Variants in HS3ST5 observed in about 807,000 individuals in gnomAD.
The protein encoded by HS3ST5 is heparan sulfate glucosamine 3-O-sulfotransferase 5.
HS3ST5 carries 10 observed loss-of-function variants against 25.4 expected under a neutral mutation model. That is an observed-to-expected ratio of 0.39 (90% confidence interval 0.24 to 0.67). The LOEUF (loss-of-function observed/expected upper bound fraction) is 0.67, where lower values mean the gene tolerates loss of function less well. Among genes scored for constraint, HS3ST5 ranks in the 30% least tolerant of loss-of-function variants. The pLI is 0.44. For missense variants in HS3ST5, 324 were observed against 420.7 expected (o/e 0.77, Z 2.01); for synonymous variants, 170 against 162.4 (o/e 1.05, Z -0.36).
At chr6:114,249,171 C>T (rs1420232245) in intron 1 of HS3ST5, among the ~76,000 whole-genome samples, 2 of 152,138 alleles carry the variant, frequency 1.3e-5, no homozygotes, top group African/African-American at 4.8e-5. Context: ...GACTACATAC[C>T]TAAAAAAGTC....
intron 3 of HS3ST5, among the ~76,000 whole-genome samples, chr6:114,082,166 G>T (rs1042832609): frequency 2.6e-5 from 4 of 152,116 alleles, no homozygotes; most frequent in Non-Finnish European, 4.4e-5. Flanking sequence ...CAAACCAAAT[G>T]CAGAAATATT....
chr6:114,237,545 C>A (rs1323928868), intron 1 of HS3ST5, among the ~76,000 whole-genome samples: 2 of 152,136 alleles, frequency 1.3e-5, no homozygotes, highest in African/African-American at 4.8e-5. Context: ...GCCCAGTCCC[C>A]ATCCTCACAG....
chr6:114,090,331 C>G (rs1291605676), intron 3 of HS3ST5, among the ~76,000 whole-genome samples: 1 of 152,130 alleles, frequency 6.6e-6, no homozygotes, highest in Non-Finnish European at 1.5e-5. Flanking sequence ...CAAATTGTGT[C>G]TCGAATGCCA....
At chr6:114,240,669 A>G (rs768618201) in intron 1 of HS3ST5, among the ~76,000 whole-genome samples, 5 of 152,168 alleles carry the variant, frequency 3.3e-5, no homozygotes, top group Non-Finnish European at 5.9e-5. Context: ...TCTCTTCTCT[A>G]TGTAATTAAA....
At chr6:114,138,470 T>C (rs550872420) in intron 3 of HS3ST5, among the ~76,000 whole-genome samples, 15 of 152,354 alleles carry the variant, frequency 9.8e-5, no homozygotes, top group African/African-American at 3.4e-4. Flanking sequence ...AAGGTCTTGA[T>C]GTCTGAAGAG....
At chr6:114,298,932 A>G (rs1041224784) in intron 1 of HS3ST5, among the ~76,000 whole-genome samples, 7 of 152,200 alleles carry the variant, frequency 4.6e-5, no homozygotes, top group Non-Finnish European at 7.3e-5. Flanking sequence ...ATTGTAGAGC[A>G]TGCGTGTTTG....
chr6:114,166,955 C>A (rs530042577), intron 3 of HS3ST5, among the ~76,000 whole-genome samples: 28 of 152,332 alleles, frequency 1.8e-4, no homozygotes, highest in African/African-American at 6.7e-4. Flanking sequence ...TCTCAGCATA[C>A]TTTAGTTTAA....
At chr6:114,248,896 A>T (rs1231217622) in intron 1 of HS3ST5, among the ~76,000 whole-genome samples, 1 of 152,224 alleles carries the variant, frequency 6.6e-6, no homozygotes, top group Non-Finnish European at 1.5e-5. Flanking sequence ...CTATAGTATC[A>T]TATTATTACT....
rs114268236 is a variant in HS3ST5, at chr6:114,065,852, G to A, written c.-32-2975C>T. Among the ~76,000 whole-genome samples, 530 of 152,266 alleles carry A rather than the reference G, an allele frequency of 3.5e-3. 4 individuals are homozygous for A. The highest frequency in any genetic ancestry group is 0.012 in the African/African-American group (493 of 41,542). On this transcript the variant is annotated intron_variant, in intron 3 of 4. Transcript: ENST00000312719. Reference sequence around the variant, plus strand: ...TCAGAGGAAGGCTAGGGAAGTTATCGACCTCCTCTGCTATTTAAACATAGT... The same window carrying A: ...TCAGAGGAAGGCTAGGGAAGTTATCAACCTCCTCTGCTATTTAAACATAGT...
intron 1 of HS3ST5, among the ~76,000 whole-genome samples, chr6:114,309,543 G>A (rs972736617): frequency 1.3e-5 from 2 of 152,118 alleles, no homozygotes; most frequent in Admixed American, 1.3e-4. Context: ...AACCAGCATG[G>A]CCAATATGGA....
At position 114,058,076 on chromosome 6, in the gene HS3ST5, G is replaced by T. The variant is rs1270246896; in HGVS notation, c.222C>A (p.Gly74=). The change falls in exon 5 of 5, where the codon GGC becomes GGA. Residue 74 remains glycine (G), a synonymous_variant. Transcript: ENST00000312719. The stretch of plus-strand genomic sequence containing the variant: ...GGCGAACCTGCTCCTTGGAAGCGTT[G>T]CCCTTCCGGAACTCGTGCAGCAGGC... ...KRGLLHEFRK[G]NASKEQVRLH... 6.2e-7 allele frequency: 1 copy of T among 1,614,050 alleles called. No homozygotes were observed. The highest frequency in any genetic ancestry group is 2.2e-5 in the East Asian group (1 of 44,892).
At chr6:114,292,992 A>G (rs1774648758) in intron 1 of HS3ST5, among the ~76,000 whole-genome samples, 1 of 151,890 alleles carries the variant, frequency 6.6e-6, no homozygotes, top group Non-Finnish European at 1.5e-5. Flanking sequence ...ACGGATGTGG[A>G]ATCCATGGAT....
chr6:114,306,256 T>TATATGTAC (rs756494412), intron 1 of HS3ST5, among the ~76,000 whole-genome samples: 1,232 of 115,350 alleles, frequency 0.011, 11 homozygotes, highest in Non-Finnish European at 0.016. Context: ...TATATATATA[T>TATATGTAC]ACACACACAC....
chr6:114,188,352 TTG>T (rs1358567317), intron 2 of HS3ST5, among the ~76,000 whole-genome samples: 8 of 152,230 alleles, frequency 5.3e-5, no homozygotes, highest in Non-Finnish European at 8.8e-5. Context: ...TTTAGCACAA[TTG>T]ATAGTTACAT....
At position 114,062,767 on chromosome 6, in the gene HS3ST5, G is replaced by C. The variant is rs1464268818; in HGVS notation, c.79C>G (p.Leu27Val). ...GSLAVGSLLYLVARVGSLDRL... is the reference protein window; with the variant it reads ...GSLAVGSLLYVVARVGSLDRL... Reference sequence around the variant, plus strand: ...TCCAAGCTCCCAACTCTGGCGACTAGATACAGGAGACTCCCAACGGCAAGG... The same window carrying C: ...TCCAAGCTCCCAACTCTGGCGACTACATACAGGAGACTCCCAACGGCAAGG... Residue 27 changes from leucine (L) to valine (V), a missense_variant, in exon 4 of 5, where the codon CTA (leucine) becomes GTA (valine). Leu to Val is a conservative substitution (Grantham distance 32). Transcript: ENST00000312719. 3.1e-6 allele frequency: 5 copies of C among 1,614,004 alleles called. No homozygotes were observed. Among genetic ancestry groups the C allele is most frequent in the Non-Finnish European group, 4.2e-6 (5 of 1,179,868 alleles).
chr6:114,084,025 T>C (rs1040299083), intron 3 of HS3ST5: 1 of 538,298 alleles, frequency 1.9e-6, no homozygotes, highest in African/African-American at 1.9e-5. Context: ...CAGAATCTTA[T>C]ATTGTACAAA....
At chr6:114,113,724 A>G (rs1245375200) in intron 3 of HS3ST5, among the ~76,000 whole-genome samples, 4 of 152,000 alleles carry the variant, frequency 2.6e-5, no homozygotes, top group Non-Finnish European at 4.4e-5. Flanking sequence ...TGCCTGGCAT[A>G]TAGTGTTTCA....
chr6:114,113,872 G>C (rs1272051683), intron 3 of HS3ST5, among the ~76,000 whole-genome samples: 1 of 151,934 alleles, frequency 6.6e-6, no homozygotes, highest in Non-Finnish European at 1.5e-5. Flanking sequence ...CTTGGAAGTA[G>C]TATGAAAGTA....
chr6:114,210,586 G>C (rs939763560), intron 2 of HS3ST5, among the ~76,000 whole-genome samples: 1 of 152,142 alleles, frequency 6.6e-6, no homozygotes, highest in African/African-American at 2.4e-5. Flanking sequence ...TAGTCCATAA[G>C]AGCATGTACT....
Sources: allele counts gnomAD v4.1 joint callset (sites outside exome capture counted in the v4.1 genomes callset), GRCh38; gene constraint gnomAD v4.1.1; transcripts MANE v1.5; gene names NCBI Gene and HGNC (gene_info 2026-07-23, HGNC 2026-07-21).